Variants in PLXNA4 observed in about 807,000 individuals in gnomAD.
PLXNA4 encodes the protein plexin A4.
A neutral mutation model predicts 191.8 loss-of-function variants in PLXNA4; 44 were observed. That is an observed-to-expected ratio of 0.23 (90% CI 0.18 to 0.29). The LOEUF (loss-of-function observed/expected upper bound fraction) is 0.29, where lower values mean the gene tolerates loss of function less well. PLXNA4 is among the 10% of genes least tolerant of loss of function. The pLI is 1.00. For synonymous variants in PLXNA4, 1,082 were observed against 1,009.5 expected (o/e 1.07, Z -1.36); for missense variants, 1,800 against 2,488.8 (o/e 0.72, Z 5.89).
intron 3 of PLXNA4, among the ~76,000 whole-genome samples, chr7:132,421,598 C>T (rs536390209): frequency 6.6e-6 from 1 of 150,832 alleles, no homozygotes; most frequent in Non-Finnish European, 1.5e-5. Flanking sequence ...TTTACCACAG[C>T]TTCAGTTACA....
chr7:132,355,997 G>T (rs76469329), intron 3 of PLXNA4, among the ~76,000 whole-genome samples: 47 of 152,250 alleles, frequency 3.1e-4, no homozygotes, highest in African/African-American at 1.0e-3. Context: ...GCGAGGAGGG[G>T]GTTTAGGATA....
intron 3 of PLXNA4, among the ~76,000 whole-genome samples, chr7:132,407,563 G>A (rs749776628): frequency 1.1e-4 from 17 of 152,152 alleles, no homozygotes; most frequent in Middle Eastern, 3.2e-3. Context: ...GGCTGCTCAG[G>A]TCCTGCATCC....
intron 9 of PLXNA4, among the ~76,000 whole-genome samples, chr7:132,223,098 C>T (rs1798199482): frequency 6.6e-6 from 1 of 152,240 alleles, no homozygotes; most frequent in South Asian, 2.1e-4. Context: ...TCTCATCTCT[C>T]TCCCTTTTAC....
chr7:132,604,381 A>T (rs1460955008), intron 2 of PLXNA4, among the ~76,000 whole-genome samples: 1 of 152,180 alleles, frequency 6.6e-6, no homozygotes, highest in Non-Finnish European at 1.5e-5. Flanking sequence ...GAAACAGGAG[A>T]CAGGGTAGAT....
upstream of PLXNA4, chr7:132,576,586 G>A (rs1802250998): frequency 1.0e-6 from 1 of 986,098 alleles, no homozygotes; most frequent in East Asian, 1.1e-4. The surrounding 1 kb of genome is among the most constrained non-coding windows in gnomAD (Gnocchi z 5.8). Context: ...GAGGCACAGG[G>A]AAGCCGGGAG....
chr7:132,301,623 G>A lies in PLXNA4; in HGVS notation c.1372-3401C>T, dbSNP rs1801309480. ...TACACCAAAGGCTCACACTGAATCC[G>A]GCACTATTGTTTATGTAAACCTGCA... On this transcript the variant is annotated intron_variant, in intron 3 of 31. Transcript: ENST00000321063. 2.0e-5 allele frequency among the ~76,000 whole-genome samples: 3 copies of A among 152,138 alleles called. No individual in the cohort carries two copies. In the South Asian group the frequency reaches 6.2e-4, roughly 31 times the overall value.
intron 1 of PLXNA4, among the ~76,000 whole-genome samples, chr7:132,512,579 G>C (rs528371933): frequency 5.9e-5 from 9 of 152,228 alleles, no homozygotes; most frequent in African/African-American, 1.9e-4. Flanking sequence ...ACAAATAAGA[G>C]AGAAATGGAA....
chr7:132,450,373 G>A (rs531367381), intron 3 of PLXNA4, among the ~76,000 whole-genome samples: 1 of 152,204 alleles, frequency 6.6e-6, no homozygotes, highest in Non-Finnish European at 1.5e-5. Context: ...GAAGCAGGTA[G>A]GTCTTTGCTC....
Position 132,529,641 on chromosome 7 carries a change from C to T in PLXNA4, c.-86-20862G>A, listed in dbSNP as rs112781223. Among the ~76,000 whole-genome samples the T allele has an allele frequency of 7.7e-3, 1,142 of 147,922 alleles. 13 individuals are homozygous for T. Among genetic ancestry groups the T allele is most frequent in the African/African-American group, 0.027 (1,045 of 39,084 alleles). On this transcript the variant is annotated intron_variant, in intron 1 of 31. Coordinates refer to ENST00000321063, the MANE Select transcript of PLXNA4 (RefSeq NM_020911.2). ...TTTTTTTTGAGACGGAGTCTTGCTC[C>T]GTCGCCCAGGCTGGAGTGCAGTGGT...
At chr7:132,328,106 G>A (rs963875151) in intron 3 of PLXNA4, among the ~76,000 whole-genome samples, 14 of 152,132 alleles carry the variant, frequency 9.2e-5, no homozygotes, top group Non-Finnish European at 1.3e-4. Context: ...TCCTTTAGGC[G>A]TCTGACCCTG....
intron 2 of PLXNA4, among the ~76,000 whole-genome samples, chr7:132,624,698 G>A (rs977054576): frequency 6.6e-6 from 1 of 152,130 alleles, no homozygotes; most frequent in Non-Finnish European, 1.5e-5. Flanking sequence ...CTCACAGATT[G>A]CTGATTTAGT....
intron 1 of PLXNA4, among the ~76,000 whole-genome samples, chr7:132,556,525 G>T (rs889570675): frequency 7.9e-5 from 12 of 152,272 alleles, no homozygotes; most frequent in African/African-American, 2.9e-4. Context: ...CACTGGAAAT[G>T]AGTCCCCACA....
chr7:132,624,909 C>A (rs1021145861), intron 2 of PLXNA4, among the ~76,000 whole-genome samples: 7 of 152,158 alleles, frequency 4.6e-5, no homozygotes, highest in Non-Finnish European at 1.0e-4. Context: ...GAACAAACCA[C>A]CCAAGTCCTC....
intron 3 of PLXNA4, among the ~76,000 whole-genome samples, chr7:132,453,301 A>G (rs887036622): frequency 6.6e-6 from 1 of 152,292 alleles, no homozygotes; most frequent in East Asian, 1.9e-4. Flanking sequence ...CAGACCCCAC[A>G]CAGGGACTCA....
At chr7:132,567,314 T>G (rs1048378671) in intron 1 of PLXNA4, among the ~76,000 whole-genome samples, 13 of 34,850 alleles carry the variant, frequency 3.7e-4, no homozygotes, top group African/African-American at 1.5e-3. Context: ...CCCGCCGCAA[T>G]CTATCAGTGC....
chr7:132,146,690 G>A lies in PLXNA4; in HGVS notation c.4875C>T (p.Ile1625=). ...GGCTGTCGGGGCTGCCCGTGTACCG[G>A]ATCATGTTTTCTGCCAAGGCAAGGA... ...RTSASKYENM[I]RYTGSPDSLR... The change falls in exon 28 of 32, where the codon ATC becomes ATT. Residue 1625 remains isoleucine, a synonymous_variant. Transcript: ENST00000321063. 6.2e-7 allele frequency: 1 copy of A among 1,614,038 alleles called. No individual in the cohort carries two copies. The highest frequency in any genetic ancestry group is 8.5e-7 in the Non-Finnish European group (1 of 1,179,924).
At chr7:132,475,720 C>T (rs1215223051) in intron 3 of PLXNA4, among the ~76,000 whole-genome samples, 2 of 151,230 alleles carry the variant, frequency 1.3e-5, no homozygotes, top group Admixed American at 1.3e-4. Context: ...AAGCAAGAGA[C>T]ATTAACATGC....
At chr7:132,510,979 A>C (rs758334780) in intron 1 of PLXNA4, among the ~76,000 whole-genome samples, 3 of 152,204 alleles carry the variant, frequency 2.0e-5, no homozygotes, top group Non-Finnish European at 4.4e-5. Flanking sequence ...GAAAAGAGCA[A>C]AGGCCCCCAG....
intron 31 of PLXNA4, among the ~76,000 whole-genome samples, chr7:132,132,572 A>T (rs954808484): frequency 2.0e-5 from 3 of 151,026 alleles, no homozygotes; most frequent in Non-Finnish European, 4.4e-5. Flanking sequence ...ACTCCGTTCC[A>T]TTCCATTCCA....
Sources: allele counts gnomAD v4.1 joint callset (sites outside exome capture counted in the v4.1 genomes callset), GRCh38; gene constraint gnomAD v4.1.1; non-coding constraint Gnocchi (gnomAD v3.1); transcripts MANE v1.5; gene names NCBI Gene and HGNC (gene_info 2026-07-23, HGNC 2026-07-21).